The following DNAJB6 variants were observed in gnomAD, a reference collection of about 807,000 sequenced individuals.
DNAJB6 encodes the protein dnaJ homolog subfamily B member 6.
DNAJB6 carries 16 observed loss-of-function variants against 42.7 expected under a neutral mutation model. The observed-to-expected ratio is 0.37, with a 90% CI of 0.25 to 0.57. The LOEUF (loss-of-function observed/expected upper bound fraction) is 0.57, where lower values mean the gene tolerates loss of function less well. DNAJB6 is among the 20% of genes least tolerant of loss of function. The pLI, the probability that DNAJB6 is intolerant of heterozygous loss-of-function variation, is 0.74. For missense variants in DNAJB6, 347 were observed against 416.8 expected (o/e 0.83, Z 1.46); for synonymous variants, 170 against 163.5 (o/e 1.04, Z -0.30).
At chr7:157,353,031 C>A (rs985803484) in intron 1 of DNAJB6, among the ~76,000 whole-genome samples, 1 of 152,064 alleles carries the variant, frequency 6.6e-6, no homozygotes, top group Admixed American at 6.6e-5. Context: ...TCAGTCAATT[C>A]ACTTTGAAGC....
chr7:157,337,335 AGGTCTGGGGCCGGGGCCGGGGCTGG>A (rs905971570), intron 1 of DNAJB6, among the ~76,000 whole-genome samples, 191 bp downstream of exon 1: 4 of 149,814 alleles, frequency 2.7e-5, no homozygotes, highest in Admixed American at 1.3e-4. Context: ...CCTCTGGGTC[AGGTCTGGGGCCGGGGCCGGGGCTGG>A]GGTCTGGGGC....
rs1471471674 is a variant in DNAJB6, at chr7:157,369,968, TTTCTTAACATTATTATTAAACAGGCCCC to T, written c.346+2506_346+2533del. On this transcript the variant is annotated intron_variant, in intron 5 of 9. Transcript: ENST00000262177. ...CTTCTTAAGATTATTAAACGGGCCC[TTTCTTAACATTATTATTAAACAGGCCCC>T]TTCTTAACATTATTATTAAAGAGGC... Among the ~76,000 whole-genome samples the T allele has an allele frequency of 1.3e-4, 16 of 127,516 alleles. 1 individual carries two copies. The highest frequency in any genetic ancestry group is 4.8e-4 in the South Asian group (2 of 4,150). The allele number at this position is 127,516 out of a possible 152,430, so 83.7% of individuals were successfully genotyped here. A position where few individuals can be genotyped will look rare whatever the true frequency, so the allele number is the denominator to read the frequency against.
chr7:157,344,141 C>A (rs945188229), intron 1 of DNAJB6, among the ~76,000 whole-genome samples: 1 of 152,134 alleles, frequency 6.6e-6, no homozygotes, highest in African/African-American at 2.4e-5. Context: ...GAGTTTGAGA[C>A]CATCCTGGCT....
chr7:157,395,690 T>C (rs892894723), intron 8 of DNAJB6, among the ~76,000 whole-genome samples: 3 of 150,368 alleles, frequency 2.0e-5, no homozygotes, highest in South Asian at 2.1e-4. Context: ...TTTTCTTTTT[T>C]TTTTTTTTTT....
At chr7:157,408,776 G>A (rs979541282) in intron 8 of DNAJB6, among the ~76,000 whole-genome samples, 1 of 152,252 alleles carries the variant, frequency 6.6e-6, no homozygotes, top group Non-Finnish European at 1.5e-5. Context: ...GGTTTCAGAT[G>A]CATTTCAATG....
intron 8 of DNAJB6, among the ~76,000 whole-genome samples, chr7:157,407,205 CCCCCATTTT>C (rs767155503): frequency 1.3e-5 from 2 of 152,236 alleles, no homozygotes; most frequent in Non-Finnish European, 2.9e-5. Flanking sequence ...GGTTACCCTG[CCCCCATTTT>C]CCCTCCGCGT....
At chr7:157,407,299 A>C (rs1373915562) in intron 8 of DNAJB6, among the ~76,000 whole-genome samples, 1 of 152,210 alleles carries the variant, frequency 6.6e-6, no homozygotes, top group Non-Finnish European at 1.5e-5. Flanking sequence ...TGGGCCAGGC[A>C]GGGGCGGCTC....
intron 1 of DNAJB6, among the ~76,000 whole-genome samples, chr7:157,354,637 C>G (rs1249151142): frequency 1.3e-5 from 2 of 152,054 alleles, no homozygotes; most frequent in African/African-American, 4.8e-5. Flanking sequence ...CCGTGCCCAG[C>G]CAATATCTGC....
intron 5 of DNAJB6, chr7:157,379,638 C>G (rs1800649406): frequency 6.6e-6 from 1 of 152,372 alleles, no homozygotes; most frequent in South Asian, 2.1e-4. Context: ...TGGTGTGCCA[C>G]CACACCTGGC....
intron 8 of DNAJB6, among the ~76,000 whole-genome samples, chr7:157,398,084 C>T (rs2117154252): frequency 6.6e-6 from 1 of 152,304 alleles, no homozygotes; most frequent in South Asian, 2.1e-4. Context: ...CCTAGCGTTT[C>T]CCCAGCAGAT....
intron 1 of DNAJB6, among the ~76,000 whole-genome samples, chr7:157,345,044 A>G (rs1366174935): frequency 4.6e-5 from 7 of 151,610 alleles, no homozygotes; most frequent in Admixed American, 3.3e-4. Context: ...CCCAGGCTAG[A>G]GTGCAATGGA....
intron 8 of DNAJB6, among the ~76,000 whole-genome samples, chr7:157,397,798 A>G (rs1801665004): frequency 6.6e-6 from 1 of 152,118 alleles, no homozygotes; most frequent in African/African-American, 2.4e-5. Flanking sequence ...TTCTCAATTC[A>G]GCTTCTATGT....
At chr7:157,384,638 A>T (rs1800959956) in intron 6 of DNAJB6, among the ~76,000 whole-genome samples, 1 of 152,138 alleles carries the variant, frequency 6.6e-6, no homozygotes, top group African/African-American at 2.4e-5. Context: ...GGGAGGGGAG[A>T]GGCTGCACTC....
intron 8 of DNAJB6, among the ~76,000 whole-genome samples, chr7:157,400,316 G>A (rs866961194): frequency 2.7e-4 from 41 of 150,808 alleles, no homozygotes; most frequent in Middle Eastern, 3.5e-3. Flanking sequence ...CTTGTACGTA[G>A]GGAGGTCTGA....
At chr7:157,393,289 A>T (rs1295413813) in intron 8 of DNAJB6, among the ~76,000 whole-genome samples, 3 of 152,180 alleles carry the variant, frequency 2.0e-5, no homozygotes, top group African/African-American at 7.2e-5. Context: ...TTCTGATTTT[A>T]AAAAAGAATT....
At chr7:157,361,891 C>T (rs1799621441) in intron 2 of DNAJB6, among the ~76,000 whole-genome samples, 1 of 152,170 alleles carries the variant, frequency 6.6e-6, no homozygotes. Flanking sequence ...GTCTCAGCCT[C>T]CTGAGTAGCT....
intron 8 of DNAJB6, among the ~76,000 whole-genome samples, chr7:157,402,682 C>A (rs1795578774): frequency 6.6e-6 from 1 of 152,226 alleles, no homozygotes; most frequent in South Asian, 2.1e-4. Flanking sequence ...AGGCCCCAGT[C>A]ATCCCAGGGG....
chr7:157,361,789 G>A (rs752488431), intron 2 of DNAJB6, among the ~76,000 whole-genome samples: 3 of 151,568 alleles, frequency 2.0e-5, no homozygotes, highest in Non-Finnish European at 4.4e-5. Flanking sequence ...TTCATGTTGA[G>A]CCGGAGGCTC....
chr7:157,402,228 G>A (rs1217082708), intron 8 of DNAJB6, among the ~76,000 whole-genome samples: 2 of 152,196 alleles, frequency 1.3e-5, no homozygotes, highest in East Asian at 3.8e-4. Flanking sequence ...CCCAGAGTGT[G>A]GGGATCCCAG....
Sources: allele counts gnomAD v4.1 joint callset (sites outside exome capture counted in the v4.1 genomes callset), GRCh38; gene constraint gnomAD v4.1.1; transcripts MANE v1.5; gene names NCBI Gene and HGNC (gene_info 2026-07-23, HGNC 2026-07-21).